Variants in AIM2 observed in about 807,000 individuals in gnomAD.
The protein encoded by AIM2 is absent in melanoma 2.
Under a neutral mutation model 27.7 loss-of-function variants are expected in AIM2, and 30 were observed. The observed-to-expected ratio is 1.08, with a 90% confidence interval of 0.81 to 1.47. The LOEUF (loss-of-function observed/expected upper bound fraction) is 1.47. Ranked by LOEUF, AIM2 falls within the 40% of genes most tolerant of loss-of-function variation. The pLI is 0.00. For missense variants in AIM2, 358 were observed against 411.3 expected (o/e 0.87, Z 1.12); for synonymous variants, 141 against 145.3 (o/e 0.97, Z 0.21).
At chr1:159,080,130 C>A (rs976333519), upstream of AIM2, among the ~76,000 whole-genome samples, 1 of 152,122 alleles carries the variant, frequency 6.6e-6, no homozygotes, top group African/African-American at 2.4e-5. Context: ...TACGAATAAA[C>A]CTTCTATAAA....
At chr1:159,122,192 C>T (rs1385859119) in intron 1 of AIM2, 1 of 152,056 alleles carries the variant, frequency 6.6e-6, no homozygotes, top group East Asian at 1.9e-4. Context: ...CTATATCAAC[C>T]AAAAATCCCA....
chr1:159,066,267 A>T lies in AIM2; in HGVS notation c.459T>A (p.Cys153Ter). Residue 153 changes from cysteine (C) to a stop codon, truncating the protein, a stop_gained, in exon 4 of 6, where the codon TGT (cysteine) becomes TGA (stop). Transcript: ENST00000368130. LOFTEE classifies it high-confidence loss of function. ...TTGCTTTCAGTACCATAACTGGCAA[A>T]CAGCGCTTCTGAAACCCTTCTCTGA... ...ESIREGFQKR[C>*]LPVMVLKAKK... 1 of 1,614,176 alleles carries T rather than the reference A, an allele frequency of 6.2e-7. No individual in the cohort carries two copies. The highest frequency in any genetic ancestry group is 1.1e-5 in the South Asian group (1 of 91,082).
At chr1:159,078,310 T>TAG (rs143891099), upstream of AIM2, among the ~76,000 whole-genome samples, 5 of 152,322 alleles carry the variant, frequency 3.3e-5, no homozygotes, top group East Asian at 9.6e-4. Context: ...TGCATCCACT[T>TAG]CACCTGACAC....
intron 2 of AIM2, among the ~76,000 whole-genome samples, chr1:159,071,507 T>G (rs1318656422): frequency 6.6e-6 from 1 of 152,142 alleles, no homozygotes; most frequent in East Asian, 1.9e-4. Flanking sequence ...ATACTTTGTG[T>G]TTTGTTGTTG....
At chr1:159,090,670 A>T (rs1657023880) in intron 1 of AIM2, among the ~76,000 whole-genome samples, 1 of 152,180 alleles carries the variant, frequency 6.6e-6, no homozygotes, top group African/African-American at 2.4e-5. Context: ...TTGGGAGGTT[A>T]TTCATTTGTC....
At chr1:159,094,761 C>T (rs1211161159) in intron 1 of AIM2, among the ~76,000 whole-genome samples, 1 of 152,104 alleles carries the variant, frequency 6.6e-6, no homozygotes, top group African/African-American at 2.4e-5. Context: ...GTATTGGTAA[C>T]TTGACATACC....
chr1:159,078,471 T>G (rs1656690222), upstream of AIM2, among the ~76,000 whole-genome samples: 1 of 152,116 alleles, frequency 6.6e-6, no homozygotes, highest in Admixed American at 6.5e-5. Context: ...ACCTACTGAG[T>G]AAACGAGAGA....
intron 1 of AIM2, among the ~76,000 whole-genome samples, chr1:159,107,853 G>A (rs1196923318): frequency 6.6e-6 from 1 of 152,118 alleles, no homozygotes; most frequent in East Asian, 1.9e-4. Flanking sequence ...GATTAAATCA[G>A]GAACAATTAG....
At chr1:159,134,571 C>A (rs775769835) in intron 1 of AIM2, among the ~76,000 whole-genome samples, 32 of 152,222 alleles carry the variant, frequency 2.1e-4, no homozygotes, top group Non-Finnish European at 4.6e-4. Flanking sequence ...GTGGCTCACA[C>A]CTGTAATCCC....
chr1:159,073,115 C>A, intron 2 of AIM2, 123 bp downstream of exon 2: 1 of 1,209,210 alleles, frequency 8.3e-7, no homozygotes, highest in Non-Finnish European at 1.2e-6. Flanking sequence ...GAGACAGGTG[C>A]ACTAAGTTAG....
chr1:159,059,150 G>A (rs1265852094), downstream of AIM2, among the ~76,000 whole-genome samples: 2 of 152,098 alleles, frequency 1.3e-5, no homozygotes, highest in African/African-American at 2.4e-5. Context: ...TAATAAAAAC[G>A]TACTGTTTTA....
At chr1:159,057,722 T>C (rs1655706979), downstream of AIM2, among the ~76,000 whole-genome samples, 1 of 152,164 alleles carries the variant, frequency 6.6e-6, no homozygotes. Context: ...TAATGGCAAA[T>C]GTATGATAAG....
intron 1 of AIM2, among the ~76,000 whole-genome samples, chr1:159,138,314 C>T (rs1378320171): frequency 6.6e-6 from 1 of 152,176 alleles, no homozygotes; most frequent in Non-Finnish European, 1.5e-5. Flanking sequence ...ATCAGAGTCT[C>T]TGCTCTTGCT....
At chr1:159,111,831 CATCT>C (rs55915998) in intron 1 of AIM2, among the ~76,000 whole-genome samples, 60,220 of 137,086 alleles carry the variant, frequency 0.44, 13,161 homozygotes, top group Middle Eastern at 0.45. Context: ...ATCTATCTAT[CATCT>C]ATCTATCTAT....
intron 1 of AIM2, among the ~76,000 whole-genome samples, chr1:159,075,827 G>T (rs754119979): frequency 1.3e-5 from 2 of 152,116 alleles, no homozygotes; most frequent in Non-Finnish European, 2.9e-5. Flanking sequence ...GAAGAAATAA[G>T]CCAAAGAACA....
chr1:159,062,758 G>A (rs557181864), intron 5 of AIM2, 40 bp from the exon 6 acceptor site: 17 of 1,595,890 alleles, frequency 1.1e-5, no homozygotes, highest in East Asian at 6.7e-5. Context: ...AGATGCAGTC[G>A]ATGAGTGGCC....
chr1:159,130,525 T>C (rs1103577), intron 1 of AIM2, among the ~76,000 whole-genome samples: 68,736 of 151,922 alleles, frequency 0.45, 18,495 homozygotes, highest in Non-Finnish European at 0.6. Context: ...TTCACTCATT[T>C]GCTCAAGCCA....
rs549495037 is a variant in AIM2, at chr1:159,128,465, T to C, written c.-16+11966A>G. 2.0e-5 allele frequency among the ~76,000 whole-genome samples: 3 copies of C among 152,316 alleles called. No homozygotes were observed. The South Asian group carries it at 6.2e-4, about 32-fold the overall frequency. ...TTTAAAGTAATAAATATTCTGTACT[T>C]GGAGAATGGCCTAGTATCGTTATAG... On this transcript the variant is annotated intron_variant, in intron 1 of 2. Transcript: ENST00000368129.
chr1:159,136,704 A>G (rs1648015022), intron 1 of AIM2, among the ~76,000 whole-genome samples: 1 of 152,270 alleles, frequency 6.6e-6, no homozygotes, highest in Non-Finnish European at 1.5e-5. Context: ...CTAAGGACAT[A>G]AACACTGCAA....
Sources: allele counts gnomAD v4.1 joint callset (sites outside exome capture counted in the v4.1 genomes callset), GRCh38; gene constraint gnomAD v4.1.1; transcripts MANE v1.5; gene names NCBI Gene and HGNC (gene_info 2026-07-23, HGNC 2026-07-21).